ADARB2: variants seen among roughly 807,000 people sequenced by gnomAD.
ADARB2 encodes inactive double-stranded RNA-specific editase B2.
Under a neutral mutation model 62.2 loss-of-function variants are expected in ADARB2, and 25 were observed. The observed-to-expected ratio is 0.40, with a 90% CI of 0.29 to 0.56. The LOEUF (loss-of-function observed/expected upper bound fraction) is 0.56. Ranked by LOEUF, ADARB2 falls within the 20% of genes least tolerant of loss-of-function variation. ADARB2 has a pLI of 0.43. For missense variants in ADARB2, 1,071 were observed against 1,077.4 expected (o/e 0.99, Z 0.08); for synonymous variants, 572 against 500.8 (o/e 1.14, Z -1.90).
intron 1 of ADARB2, among the ~76,000 whole-genome samples, chr10:1,646,769 T>C (rs1834048423): frequency 6.6e-6 from 1 of 152,214 alleles, no homozygotes; most frequent in South Asian, 2.1e-4. Flanking sequence ...GGGTGTGTGA[T>C]GTGCTATTTG....
In ADARB2 at chr10:1,378,751, G is replaced by A. The variant is rs138660811; in HGVS notation, c.187+323C>T. Among the ~76,000 whole-genome samples, 10 of 152,298 alleles carry A rather than the reference G, an allele frequency of 6.6e-5. 1 individual carries two copies. The East Asian group carries it at 1.9e-3, about 29-fold the overall frequency. ...TGAGGATGAGACTGCAGGCAAGGGT[G>A]GGACTGCAGGTTACAGTAGGACTCC... On this transcript the variant is annotated intron_variant, in intron 2 of 9. Transcript: ENST00000381312.
rs763384510 is a variant in ADARB2, at chr10:1,216,944, G to T, written c.1682+7C>A. The T allele has an allele frequency of 4.4e-6, 7 of 1,604,476 alleles. No individual in the cohort carries two copies. The highest frequency in any genetic ancestry group is 5.1e-6 in the Non-Finnish European group (6 of 1,179,186). ...CAACATCCTCGAGAGGAAGCCGTGG[G>T]CCTCACCTGGCGATCTTGTCCGTGC... On this transcript the variant is annotated splice_region_variant and intron_variant, in intron 7 of 9. Coordinates refer to ENST00000381312, the MANE Select transcript of ADARB2 (RefSeq NM_018702.4).
intron 1 of ADARB2, among the ~76,000 whole-genome samples, chr10:1,457,000 T>G (rs1350881470): frequency 6.6e-6 from 1 of 152,036 alleles, no homozygotes; most frequent in Non-Finnish European, 1.5e-5. Context: ...TTTCACCATC[T>G]CTGCCCGCCT....
chr10:1,339,164 C>T (rs890920396), intron 3 of ADARB2, among the ~76,000 whole-genome samples: 3 of 152,330 alleles, frequency 2.0e-5, no homozygotes, highest in Admixed American at 1.3e-4. Flanking sequence ...CTTCCTGCCA[C>T]GCCTGTAGCT....
chr10:1,276,457 T>G lies in ADARB2; in HGVS notation c.1078-5388A>C, dbSNP rs1041763101. Among the ~76,000 whole-genome samples, 460 of 152,260 alleles carry G rather than the reference T, an allele frequency of 3.0e-3. 3 individuals are homozygous for G. Among genetic ancestry groups the G allele is most frequent in the East Asian group, 0.016 (84 of 5,172 alleles). Reference sequence around the variant, plus strand: ...CAAAAATTTTCTTCCATTTTGTAGTTTGCCTGTTCACTCTGATGGTAGTTT... The same window carrying G: ...CAAAAATTTTCTTCCATTTTGTAGTGTGCCTGTTCACTCTGATGGTAGTTT... On this transcript the variant is annotated intron_variant, in intron 3 of 9. Transcript: ENST00000381312.
At chr10:1,630,689 A>T (rs1833830803) in intron 1 of ADARB2, among the ~76,000 whole-genome samples, 1 of 152,126 alleles carries the variant, frequency 6.6e-6, no homozygotes, top group Admixed American at 6.5e-5. Context: ...AGATTTCTGG[A>T]TTACAGAAAT....
At chr10:1,408,823 A>G (rs756541933) in intron 1 of ADARB2, among the ~76,000 whole-genome samples, 1 of 152,158 alleles carries the variant, frequency 6.6e-6, no homozygotes, top group Non-Finnish European at 1.5e-5. Flanking sequence ...TTGTGTCTGC[A>G]CCAGCACACA....
intron 3 of ADARB2, among the ~76,000 whole-genome samples, chr10:1,286,653 G>C (rs527984358): frequency 6.6e-6 from 1 of 152,080 alleles, no homozygotes; most frequent in Non-Finnish European, 1.5e-5. Flanking sequence ...TGACCACTAC[G>C]GGGCAATTGG....
chr10:1,695,767 GGTGT>G (rs747107841), intron 1 of ADARB2, among the ~76,000 whole-genome samples: 42 of 152,280 alleles, frequency 2.8e-4, no homozygotes, highest in Non-Finnish European at 4.7e-4. Context: ...TGCATGTGTA[GGTGT>G]GTCTGTGCAT....
At chr10:1,707,445 C>A (rs1564200691) in intron 1 of ADARB2, among the ~76,000 whole-genome samples, 6 of 152,256 alleles carry the variant, frequency 3.9e-5, no homozygotes, top group Admixed American at 3.3e-4. Flanking sequence ...GGTCTTCTCA[C>A]AAGCAGGCAT....
intron 1 of ADARB2, among the ~76,000 whole-genome samples, chr10:1,504,551 C>T (rs892422188): frequency 3.0e-4 from 46 of 152,270 alleles, no homozygotes; most frequent in South Asian, 4.1e-4. Flanking sequence ...TGGAGCCCCA[C>T]GTGCGTGGGC....
intron 3 of ADARB2, among the ~76,000 whole-genome samples, chr10:1,335,984 A>G (rs74118232): frequency 0.016 from 2,407 of 152,326 alleles, 62 homozygotes; most frequent in African/African-American, 0.052. Context: ...ATGTTTTCAT[A>G]TTTCTTCATG....
At chr10:1,413,308 C>G (rs1313296829) in intron 1 of ADARB2, among the ~76,000 whole-genome samples, 1 of 152,152 alleles carries the variant, frequency 6.6e-6, no homozygotes, top group African/African-American at 2.4e-5. Context: ...GACACTGACA[C>G]AGCACTGGGG....
At chr10:1,533,577 C>T (rs992129461) in intron 1 of ADARB2, among the ~76,000 whole-genome samples, 21 of 152,296 alleles carry the variant, frequency 1.4e-4, no homozygotes, top group African/African-American at 4.1e-4. Context: ...CCTGACTCTG[C>T]GATGCCTCCC....
intron 1 of ADARB2, among the ~76,000 whole-genome samples, chr10:1,464,072 C>T (rs1831211948): frequency 6.6e-6 from 1 of 152,246 alleles, no homozygotes; most frequent in South Asian, 2.1e-4. Flanking sequence ...GGGGCCAGGA[C>T]CGCCACACAC....
rs528820212 is a variant in ADARB2 at position 1,453,759 on chromosome 10, G to A, written c.101-74599C>T. On this transcript the variant is annotated intron_variant, in intron 1 of 9. Transcript: ENST00000381312. ...GTACGCACACGGAAAGAAGCTCAAC[G>A]TCACTAATCATTAGGGAAATGCAAA... 3.3e-5 allele frequency among the ~76,000 whole-genome samples: 5 copies of A among 152,184 alleles called. No homozygotes were observed. The South Asian group carries it at 8.3e-4, about 25-fold the overall frequency.
In ADARB2 at chr10:1,181,358, A is replaced by T. The variant is rs2280014; in HGVS notation, c.*1835T>A. 6.6e-6 allele frequency: 1 copy of T among 152,120 alleles called. No individual in the cohort carries two copies. Among genetic ancestry groups the T allele is most frequent in the African/African-American group, 2.4e-5 (1 of 41,422 alleles). The allele number at this position is 152,120 out of a possible 1,614,324, so 9.4% of individuals were successfully genotyped here. On this transcript the variant is annotated 3_prime_UTR_variant, in exon 10 of 10. Transcript: ENST00000381312. ...TGAGCTTAGCTTTTGCACTGAATTAAGATTTCATTTATTTTTGTGATTTTT... is the reference window on the plus strand; with the variant it reads ...TGAGCTTAGCTTTTGCACTGAATTATGATTTCATTTATTTTTGTGATTTTT...
chr10:1,682,674 C>A (rs1339447996), intron 1 of ADARB2, among the ~76,000 whole-genome samples: 1 of 152,226 alleles, frequency 6.6e-6, no homozygotes, highest in East Asian at 1.9e-4. Context: ...CACTCACAGC[C>A]TCCGTTAGCA....
intron 1 of ADARB2, among the ~76,000 whole-genome samples, chr10:1,456,153 A>G (rs1269362178): frequency 1.3e-5 from 2 of 152,188 alleles, no homozygotes; most frequent in Admixed American, 1.3e-4. Context: ...ATCTAGTTTC[A>G]CCTAGGGACC....
Sources: allele counts gnomAD v4.1 joint callset (sites outside exome capture counted in the v4.1 genomes callset), GRCh38; gene constraint gnomAD v4.1.1; transcripts MANE v1.5; gene names NCBI Gene and HGNC (gene_info 2026-07-23, HGNC 2026-07-21).